The following CSNK1G2 variants were observed in gnomAD, a reference collection of about 807,000 sequenced individuals.
CSNK1G2 encodes casein kinase I isoform gamma-2.
CSNK1G2 carries 11 observed loss-of-function variants against 48.0 expected under a neutral mutation model. The ratio of observed to expected loss-of-function variants is 0.23; its 90% CI spans 0.14 to 0.38. The LOEUF (loss-of-function observed/expected upper bound fraction) is 0.38, where lower values mean the gene tolerates loss of function less well. Ranked by LOEUF, CSNK1G2 falls within the 10% of genes least tolerant of loss-of-function variation. The pLI, the probability that CSNK1G2 is intolerant of heterozygous loss-of-function variation, is 1.00. For missense variants in CSNK1G2, 446 were observed against 595.5 expected, an observed-to-expected ratio of 0.75 and a Z score of 2.61; for synonymous variants, 337 against 254.1, an observed-to-expected ratio of 1.33 and a Z score of -3.10.
intron 1 of CSNK1G2, among the ~76,000 whole-genome samples, chr19:1,966,765 A>G (rs564608652): frequency 6.6e-6 from 1 of 152,264 alleles, no homozygotes; most frequent in African/African-American, 2.4e-5. Flanking sequence ...CACCGCCCCA[A>G]CGAGTCAGCC....
At chr19:1,942,674 T>G (rs2014411719) in intron 1 of CSNK1G2, 2 of 151,988 alleles carry the variant, frequency 1.3e-5, no homozygotes, top group African/African-American at 2.4e-5. Flanking sequence ...GGCGCTCGGA[T>G]TAGGGAGGGG....
At chr19:1,961,846 T>G in intron 1 of CSNK1G2, among the ~76,000 whole-genome samples, 1 of 152,212 alleles carries the variant, frequency 6.6e-6, no homozygotes, top group African/African-American at 2.4e-5. Flanking sequence ...AGAAATCCGC[T>G]GGCCGCTAAG....
At chr19:1,948,235 C>T (rs1417492946) in intron 1 of CSNK1G2, among the ~76,000 whole-genome samples, 1 of 152,154 alleles carries the variant, frequency 6.6e-6, no homozygotes, top group Non-Finnish European at 1.5e-5. Context: ...TTAAAATTAA[C>T]GATCCCGGCC....
rs571826398 is a variant in CSNK1G2 at position 1,975,519 on chromosome 19, G to A, written c.188-2786G>A. 38 of 985,482 alleles carry A rather than the reference G, an allele frequency of 3.9e-5. No homozygotes were observed. In the South Asian group the frequency reaches 5.6e-4, roughly 15 times the overall value. The allele number at this position is 985,482 out of a possible 1,614,324, so 61.0% of individuals were successfully genotyped here. A position where few individuals can be genotyped will look rare whatever the true frequency, so the allele number is the denominator to read the frequency against. On this transcript the variant is annotated intron_variant, in intron 2 of 11. Transcript: ENST00000255641. ...CCAAACCCCATCCTCCCTGTGAGCC[G>A]CGGCACAGCACCAGGCGGGCACACG... is the stretch of plus-strand genomic sequence containing the variant.
At position 1,978,827 on chromosome 19, in the gene CSNK1G2, G is replaced by A. The variant is rs1359440434; in HGVS notation, c.448-32G>A. 2 of 1,592,424 alleles carry A rather than the reference G, an allele frequency of 1.3e-6. No individual in the cohort carries two copies. Among genetic ancestry groups the A allele is most frequent in the Middle Eastern group, 1.7e-4 (1 of 5,970 alleles). The stretch of plus-strand genomic sequence containing the variant: ...GAGGGGAGCGCGTGGGACGGGGAGG[G>A]GCCCGGCCGACACCGCCGTGCCCCC... On this transcript the variant is annotated intron_variant, in intron 5 of 11. Transcript: ENST00000255641. This position sits in a 1 kb window ranked among gnomAD's most constrained non-coding sequence, Gnocchi z 7.3.
chr19:1,953,422 T>C (rs762129340), intron 1 of CSNK1G2: 9 of 534,494 alleles, frequency 1.7e-5, no homozygotes, highest in South Asian at 9.8e-5. Flanking sequence ...TTGTGATGGA[T>C]TTGATGCAGA....
intron 1 of CSNK1G2, among the ~76,000 whole-genome samples, chr19:1,951,618 C>T (rs565266668): frequency 6.9e-6 from 1 of 144,852 alleles, no homozygotes; most frequent in Non-Finnish European, 1.5e-5. Context: ...CTTGGGTGCC[C>T]TCAGGATGTG....
In CSNK1G2 at chr19:1,978,895, A is replaced by G; in HGVS notation, c.484A>G (p.Ile162Val). 6.2e-7 allele frequency: 1 copy of G among 1,603,080 alleles called. No individual in the cohort carries two copies. The highest frequency in any genetic ancestry group is 8.5e-7 in the Non-Finnish European group (1 of 1,179,560). ...RMEYVHTKSL[I>V]YRDVKPENFL... ...GGAGTATGTGCACACCAAGAGCCTA[A>G]TCTACCGGGACGTGAAGCCCGAGAA... The change falls in exon 6 of 12, where the codon ATC (isoleucine) becomes GTC (valine). Residue 162 changes from isoleucine (I) to valine (V), a missense_variant. Ile to Val is a conservative substitution (Grantham distance 29, BLOSUM62 3). This residue lies in a region of CSNK1G2 where 258 missense variants were observed against 415.9 expected (regional missense o/e 0.62). Coordinates refer to ENST00000255641, the MANE Select transcript of CSNK1G2 (RefSeq NM_001319.7). This position sits in a 1 kb window ranked among gnomAD's most constrained non-coding sequence, Gnocchi z 7.3.
chr19:1,942,260 C>T (rs889203525), intron 1 of CSNK1G2, among the ~76,000 whole-genome samples: 7 of 152,230 alleles, frequency 4.6e-5, no homozygotes, highest in Non-Finnish European at 8.8e-5. Flanking sequence ...CCCCGCCTGG[C>T]TCCTCTCTCC....
intron 1 of CSNK1G2, among the ~76,000 whole-genome samples, chr19:1,964,009 G>T (rs561910896): frequency 2.6e-5 from 4 of 152,078 alleles, no homozygotes; most frequent in Non-Finnish European, 5.9e-5. Flanking sequence ...TAGAGACAGG[G>T]TTTCACCATG....
rs1031472345 is a variant in CSNK1G2 at position 1,957,998 on chromosome 19, G to C, written c.-265-11510G>C. Among the ~76,000 whole-genome samples, 1 of 152,156 alleles carries C rather than the reference G, an allele frequency of 6.6e-6. No individual in the cohort carries two copies. The highest frequency in any genetic ancestry group is 2.4e-5 in the African/African-American group (1 of 41,434). On this transcript the variant is annotated intron_variant, in intron 1 of 11. Transcript: ENST00000255641. This position sits in a 1 kb window ranked among gnomAD's most constrained non-coding sequence, Gnocchi z 5.4. ...AGGGAGGGGTTGGAGGTGTGCGCTT[G>C]TCTTGTCCGGAAGCCGGGTGTTGGG...
At chr19:1,959,848 TGTGCCACCTTTA>T (rs1032829759) in intron 1 of CSNK1G2, among the ~76,000 whole-genome samples, 25 of 97,838 alleles carry the variant, frequency 2.6e-4, no homozygotes, top group Non-Finnish European at 4.8e-4. Context: ...CCCCAGCACC[TGTGCCACCTTTA>T]GTGCCACCGT....
At chr19:1,952,944 T>C in intron 1 of CSNK1G2, 1 of 439,104 alleles carries the variant, frequency 2.3e-6, no homozygotes, top group Non-Finnish European at 4.4e-6. Context: ...GGGCGGGATG[T>C]CGCCCGGCGG....
At chr19:1,977,712 CACT>C (rs2015806714) in intron 2 of CSNK1G2, among the ~76,000 whole-genome samples, 1 of 143,294 alleles carries the variant, frequency 7.0e-6, no homozygotes, top group South Asian at 2.2e-4. Context: ...GCGATCTCGC[CACT>C]ACACTCCAGA....
chr19:1,953,305 G>A, intron 1 of CSNK1G2: 1 of 507,856 alleles, frequency 2.0e-6, no homozygotes, highest in Non-Finnish European at 4.0e-6. Flanking sequence ...GGAGCAGGAA[G>A]CAGAGCTGAG....
At chr19:1,952,903 G>A (rs746579486) in intron 1 of CSNK1G2, 2 of 448,312 alleles carry the variant, frequency 4.5e-6, no homozygotes, top group Admixed American at 6.6e-5. Context: ...GCTGGCAACC[G>A]AGGTGACTGC....
intron 1 of CSNK1G2, among the ~76,000 whole-genome samples, chr19:1,961,523 C>T (rs1307723159): frequency 6.6e-6 from 1 of 152,256 alleles, no homozygotes; most frequent in Non-Finnish European, 1.5e-5. Context: ...AGGAGCTGGG[C>T]CTCAGTGGGG....
In CSNK1G2 at chr19:1,969,841, G is replaced by C. The variant is rs770881032; in HGVS notation, c.69G>C (p.Gly23=). The change falls in exon 2 of 12, where the codon GGG becomes GGC. Residue 23 remains glycine (G), a synonymous_variant. Coordinates refer to ENST00000255641, the MANE Select transcript of CSNK1G2 (RefSeq NM_001319.7). ...EEGRRMSKAG[G]GRSSHGIRSS... ...GCCGGAGAATGTCCAAGGCCGGCGG[G>C]GGCCGGAGCAGCCACGGCATCCGGA... is the stretch of plus-strand genomic sequence containing the variant. 4 of 1,311,034 alleles carry C rather than the reference G, an allele frequency of 3.1e-6. No individual in the cohort carries two copies. Among genetic ancestry groups the C allele is most frequent in the Non-Finnish European group, 3.9e-6 (4 of 1,021,254 alleles). 81.2% of individuals were successfully genotyped at this position (1,311,034 alleles called of 1,614,324 possible).
chr19:1,958,313 G>A (rs1481028612), intron 1 of CSNK1G2, among the ~76,000 whole-genome samples: 1 of 152,016 alleles, frequency 6.6e-6, no homozygotes, highest in Non-Finnish European at 1.5e-5. Flanking sequence ...TATGTTAGGG[G>A]AACAGGAGCC....
Sources: gnomAD v4.1 joint callset for allele counts (sites outside exome capture counted in the v4.1 genomes callset) on GRCh38, gnomAD v4.1.1 for gene constraint, gnomAD v4.1.1 regional missense constraint, Gnocchi (gnomAD v3.1) non-coding constraint, MANE v1.5 for transcripts, NCBI Gene and HGNC (gene_info 2026-07-23, HGNC 2026-07-21) for gene names.